PTPRC: variants seen among roughly 807,000 people sequenced by gnomAD.
PTPRC encodes receptor-type tyrosine-protein phosphatase C.
Under a neutral mutation model 155.9 loss-of-function variants are expected in PTPRC, and 44 were observed. The ratio of observed to expected loss-of-function variants is 0.28; its 90% confidence interval spans 0.22 to 0.36. The LOEUF (loss-of-function observed/expected upper bound fraction) is 0.36. Ranked by LOEUF, PTPRC falls within the 10% of genes least tolerant of loss-of-function variation. The pLI, the probability that PTPRC is intolerant of heterozygous loss-of-function variation, is 1.00. For synonymous variants in PTPRC, 525 were observed against 533.1 expected (o/e 0.98, Z 0.21); for missense variants, 1,401 against 1,564.6 (o/e 0.90, Z 1.76).
chr1:198,744,461 G>C (rs1000012113), intron 26 of PTPRC, among the ~76,000 whole-genome samples: 1 of 151,794 alleles, frequency 6.6e-6, no homozygotes, highest in African/African-American at 2.4e-5. Context: ...CATTAAGCTG[G>C]TATAAAATGA....
At chr1:198,663,074 C>T (rs1362715022) in intron 2 of PTPRC, among the ~76,000 whole-genome samples, 1 of 152,176 alleles carries the variant, frequency 6.6e-6, no homozygotes, top group East Asian at 1.9e-4. Context: ...CTAGGAAGTG[C>T]AATAGATTTC....
chr1:198,680,790 G>GTATC (rs1665276671), intron 2 of PTPRC, among the ~76,000 whole-genome samples: 1 of 152,158 alleles, frequency 6.6e-6, no homozygotes, highest in Non-Finnish European at 1.5e-5. Context: ...TTCAAGGACT[G>GTATC]TGTACCGAAA....
At chr1:198,656,201 G>A (rs1216252544) in intron 2 of PTPRC, among the ~76,000 whole-genome samples, 2 of 151,914 alleles carry the variant, frequency 1.3e-5, no homozygotes, top group African/African-American at 2.4e-5. Flanking sequence ...ATGTATTTAC[G>A]AATTGTACCT....
chr1:198,692,590 T>C (rs1665987542), intron 3 of PTPRC: 1 of 1,037,006 alleles, frequency 9.6e-7, no homozygotes, highest in Non-Finnish European at 1.2e-6. Flanking sequence ...GTATATATAT[T>C]TTGTGTATAA....
chr1:198,712,841 G>C, intron 11 of PTPRC, 112 bp from the exon 12 acceptor site: 2 of 1,197,346 alleles, frequency 1.7e-6, no homozygotes, highest in South Asian at 2.6e-5. Flanking sequence ...ATTTTATTTT[G>C]AATTCATCAT....
chr1:198,670,570 C>T (rs1007220304), intron 2 of PTPRC, among the ~76,000 whole-genome samples: 1 of 152,032 alleles, frequency 6.6e-6, no homozygotes, highest in Non-Finnish European at 1.5e-5. Flanking sequence ...GACTCCAAAA[C>T]TATTTGTATA....
intron 2 of PTPRC, chr1:198,679,792 C>T (rs1360956550): frequency 1.0e-5 from 5 of 491,084 alleles, no homozygotes; most frequent in Middle Eastern, 5.7e-4. Flanking sequence ...CAGGAAATGA[C>T]GCCATTCAGT....
chr1:198,727,344 C>A (rs1654186529), intron 15 of PTPRC, among the ~76,000 whole-genome samples: 1 of 152,092 alleles, frequency 6.6e-6, no homozygotes, highest in African/African-American at 2.4e-5. Context: ...TATTAATTAT[C>A]TATTTTTCTT....
intron 2 of PTPRC, among the ~76,000 whole-genome samples, chr1:198,646,125 GA>G (rs1432128877): frequency 1.3e-5 from 2 of 151,548 alleles, no homozygotes; most frequent in Admixed American, 6.6e-5. Flanking sequence ...AATTTTGGAG[GA>G]AAAAAACTCC....
chr1:198,702,730 T>C (rs1367965902), intron 6 of PTPRC, among the ~76,000 whole-genome samples, 200 bp downstream of exon 6: 2 of 152,230 alleles, frequency 1.3e-5, no homozygotes, highest in African/African-American at 2.4e-5. Context: ...TTACTATTAA[T>C]ATTATAAAAG....
intron 2 of PTPRC, among the ~76,000 whole-genome samples, chr1:198,658,007 C>G (rs1200245914): frequency 6.6e-6 from 1 of 152,130 alleles, no homozygotes; most frequent in Non-Finnish European, 1.5e-5. Flanking sequence ...AGGTTTTTCA[C>G]CTTTCCAGGG....
At chr1:198,721,749 T>C (rs989405229) in intron 14 of PTPRC, among the ~76,000 whole-genome samples, 1 of 151,836 alleles carries the variant, frequency 6.6e-6, no homozygotes, top group Non-Finnish European at 1.5e-5. Flanking sequence ...AATTATATAT[T>C]CTCCATAGGA....
Position 198,754,108 on chromosome 1 carries a change from T to G in PTPRC, c.3510-161T>G, listed in dbSNP as rs879131849. ...TTAAATTGAAAAATTTGCCTAAAAA[T>G]GCATTTAGCGTAAATAATTTGGTTC... On this transcript the variant is annotated intron_variant, in intron 31 of 32. Transcript: ENST00000442510. Among the ~76,000 whole-genome samples, 7 of 152,066 alleles carry G rather than the reference T, an allele frequency of 4.6e-5. No individual in the cohort carries two copies. In the South Asian group the frequency reaches 1.4e-3, roughly 31 times the overall value.
In PTPRC at chr1:198,706,797, C is replaced by G. The variant is rs781701825; in HGVS notation, c.749C>G (p.Ala250Gly). ...LYNKETKLFT[A>G]KLNVNENVEC... ...AACAAGGAAACTAAATTATTTACAG[C>G]AAAGCTAAATGTTAATGAGAATGTG... The change falls in exon 9 of 33, where the codon GCA becomes GGA. Residue 250 changes from alanine (A) to glycine (G), a missense_variant. By Grantham distance (60) the Ala-to-Gly change is moderately conservative (BLOSUM62 0). Transcript: ENST00000442510. 14 of 1,612,826 alleles carry G rather than the reference C, an allele frequency of 8.7e-6. No homozygotes were observed. In the South Asian group the frequency reaches 1.5e-4, roughly 18 times the overall value.
Position 198,676,100 on chromosome 1 carries a change from AGTT to A in PTPRC, c.74-16237_74-16235del, listed in dbSNP as rs372344689. Among the ~76,000 whole-genome samples the A allele has an allele frequency of 2.5e-3, 374 of 152,362 alleles. 1 individual carries two copies. The highest frequency in any genetic ancestry group is 8.4e-3 in the African/African-American group (348 of 41,588). The stretch of plus-strand genomic sequence containing the variant: ...CCAAATGTGCTAAAAGACTTGTAAA[AGTT>A]GTTGTTGTTTTAATAACTAAGTCAA... On this transcript the variant is annotated intron_variant, in intron 2 of 32. Coordinates refer to ENST00000442510, the MANE Select transcript of PTPRC (RefSeq NM_002838.5).
At chr1:198,686,086 C>G (rs1016562618) in intron 2 of PTPRC, among the ~76,000 whole-genome samples, 1 of 151,908 alleles carries the variant, frequency 6.6e-6, no homozygotes, top group African/African-American at 2.4e-5. Context: ...GGTGTGACTT[C>G]AAGGTAACTT....
chr1:198,673,211 G>A (rs1286527827), intron 2 of PTPRC, among the ~76,000 whole-genome samples: 1 of 151,900 alleles, frequency 6.6e-6, no homozygotes, highest in African/African-American at 2.4e-5. Context: ...TAAGAATAGG[G>A]TAGGCATTCT....
intron 2 of PTPRC, among the ~76,000 whole-genome samples, chr1:198,690,947 T>C (rs1246510127): frequency 1.3e-5 from 2 of 152,110 alleles, no homozygotes; most frequent in African/African-American, 4.8e-5. Flanking sequence ...AGTTGACCCA[T>C]GTTAATGCAC....
chr1:198,661,978 G>A (rs1031653503), intron 2 of PTPRC, among the ~76,000 whole-genome samples: 1 of 152,082 alleles, frequency 6.6e-6, no homozygotes, highest in Non-Finnish European at 1.5e-5. Context: ...ACTGGACACA[G>A]CACTTCAGGG....
Sources: allele counts gnomAD v4.1 joint callset (sites outside exome capture counted in the v4.1 genomes callset), GRCh38; gene constraint gnomAD v4.1.1; transcripts MANE v1.5; gene names NCBI Gene and HGNC (gene_info 2026-07-23, HGNC 2026-07-21).